ZNRF3: variants seen among roughly 807,000 people sequenced by gnomAD.
ZNRF3 encodes the protein E3 ubiquitin-protein ligase ZNRF3.
ZNRF3 carries 23 observed loss-of-function variants against 72.5 expected under a neutral mutation model. The observed-to-expected ratio is 0.32, with a 90% confidence interval of 0.23 to 0.45. The LOEUF (loss-of-function observed/expected upper bound fraction) is 0.45, where lower values mean the gene tolerates loss of function less well. Ranked by LOEUF, ZNRF3 falls within the 20% of genes least tolerant of loss-of-function variation. The pLI is 1.00. For synonymous variants in ZNRF3, 610 were observed against 545.3 expected, an observed-to-expected ratio of 1.12 and a Z score of -1.65; for missense variants, 1,169 against 1,272.1, an observed-to-expected ratio of 0.92 and a Z score of 1.23.
At chr22:29,005,881 C>T (rs1229804077) in intron 2 of ZNRF3, among the ~76,000 whole-genome samples, 7 of 152,044 alleles carry the variant, frequency 4.6e-5, no homozygotes. Context: ...ACTAACAATA[C>T]AAAATTAGCT....
At chr22:28,932,323 T>G (rs1019644584) in intron 1 of ZNRF3, among the ~76,000 whole-genome samples, 1 of 151,940 alleles carries the variant, frequency 6.6e-6, no homozygotes, top group African/African-American at 2.4e-5. Context: ...AAAAAAAAAA[T>G]CTTAACTTTG....
chr22:29,034,832 G>T (rs2036836827), intron 2 of ZNRF3, among the ~76,000 whole-genome samples: 1 of 152,162 alleles, frequency 6.6e-6, no homozygotes, highest in African/African-American at 2.4e-5. Context: ...GCTTGGTGAG[G>T]ACAGGGGTCT....
chr22:28,928,586 C>T (rs189851192), intron 1 of ZNRF3, among the ~76,000 whole-genome samples: 30 of 150,712 alleles, frequency 2.0e-4, no homozygotes, highest in East Asian at 5.9e-4. Context: ...CTCCACCTCC[C>T]GGGTTTAAGC....
Position 29,042,488 on chromosome 22 carries a change from C to T in ZNRF3, c.427-7C>T. 3.1e-6 allele frequency: 5 copies of T among 1,613,622 alleles called. No individual in the cohort carries two copies. Among genetic ancestry groups the T allele is most frequent in the Non-Finnish European group, 4.2e-6 (5 of 1,179,894 alleles). The stretch of plus-strand genomic sequence containing the variant: ...GGGCCAACCTGCTGTTTTTTTAACT[C>T]TGGCAGGCCAAGCGAGCAGTACAGC... On this transcript the variant is annotated splice_region_variant and splice_polypyrimidine_tract_variant and intron_variant, in intron 2 of 8. Coordinates refer to ENST00000544604, the MANE Select transcript of ZNRF3 (RefSeq NM_001206998.2).
chr22:28,949,530 T>C (rs887609692), intron 1 of ZNRF3, among the ~76,000 whole-genome samples: 12 of 152,346 alleles, frequency 7.9e-5, no homozygotes, highest in Admixed American at 3.3e-4. Context: ...TCTTTCCACC[T>C]TGACCCCACA....
At chr22:29,031,773 G>C (rs978098715) in intron 2 of ZNRF3, 2 of 258,302 alleles carry the variant, frequency 7.7e-6, no homozygotes, top group South Asian at 2.9e-4. Flanking sequence ...GGACCGGCTG[G>C]GTGCTCTCCA....
chr22:29,031,652 T>C (rs1186242925), intron 2 of ZNRF3: 19 of 984,642 alleles, frequency 1.9e-5, no homozygotes, highest in Non-Finnish European at 2.3e-5. Context: ...AAAATCCACT[T>C]AGTGGCCTCC....
intron 1 of ZNRF3, among the ~76,000 whole-genome samples, chr22:28,945,165 G>T (rs1465480018): frequency 6.8e-6 from 1 of 147,342 alleles, no homozygotes; most frequent in African/African-American, 2.5e-5. Context: ...AAAAAAAAAA[G>T]TCAAAGATGT....
chr22:28,909,841 C>T (rs2034283641), intron 1 of ZNRF3, among the ~76,000 whole-genome samples: 1 of 150,744 alleles, frequency 6.6e-6, no homozygotes, highest in South Asian at 2.1e-4. Context: ...GATCCATTCA[C>T]CTCGGCCTTC....
chr22:29,028,766 G>A (rs1009143917), intron 2 of ZNRF3, among the ~76,000 whole-genome samples: 14 of 152,268 alleles, frequency 9.2e-5, no homozygotes, highest in Admixed American at 3.9e-4. Flanking sequence ...GAAAGCACTC[G>A]GTGCCTTGCC....
In ZNRF3 at chr22:29,049,734, CCTCCCA is replaced by C. The variant is rs752926573; in HGVS notation, c.1555_1560del (p.Ser519_His520del). ...CCCACCGTGGTGCACGTGGCCCCGC[CCTCCCA>C]CCTGGAGAGCGGCAGCACGTCCAGC... On this transcript the variant is annotated inframe_deletion, in exon 8 of 9. Transcript: ENST00000544604. The surrounding 1 kb of genome is among the most constrained non-coding windows in gnomAD (Gnocchi z 5.2). The C allele has an allele frequency of 7.5e-6, 12 of 1,598,084 alleles. No homozygotes were observed. The highest frequency in any genetic ancestry group is 1.7e-4 in the Middle Eastern group (1 of 6,032).
chr22:28,885,931 A>C (rs79918885), intron 1 of ZNRF3, among the ~76,000 whole-genome samples: 2 of 60,524 alleles, frequency 3.3e-5, no homozygotes, highest in Non-Finnish European at 6.3e-5. Context: ...TAGCCTAGCC[A>C]AAAAAAAAAA....
chr22:28,884,122 G>C, intron 1 of ZNRF3, 56 bp downstream of exon 1: 1 of 1,062,604 alleles, frequency 9.4e-7, no homozygotes, highest in Non-Finnish European at 1.1e-6. Context: ...GGCTCCGGGG[G>C]CTGCGCCCGC....
chr22:28,936,421 C>T (rs2034820996), intron 1 of ZNRF3, among the ~76,000 whole-genome samples: 1 of 152,158 alleles, frequency 6.6e-6, no homozygotes, highest in Admixed American at 6.5e-5. Flanking sequence ...GTGTCCCTTG[C>T]CCTGGAGTAC....
At chr22:29,026,772 CA>C (rs2036644447) in intron 2 of ZNRF3, 1 of 152,214 alleles carries the variant, frequency 6.6e-6, no homozygotes, top group African/African-American at 2.4e-5. Flanking sequence ...GGTGCCATGC[CA>C]AGACCTGGTG....
chr22:28,900,696 AACTT>A (rs1357905764), intron 1 of ZNRF3, among the ~76,000 whole-genome samples: 3 of 152,190 alleles, frequency 2.0e-5, no homozygotes, highest in Admixed American at 2.0e-4. Context: ...TTTGAAAAGA[AACTT>A]ACTGTTTCAG....
intron 2 of ZNRF3, among the ~76,000 whole-genome samples, chr22:28,999,889 C>T (rs542533683): frequency 3.3e-4 from 50 of 152,274 alleles, no homozygotes; most frequent in Non-Finnish European, 6.0e-4. Context: ...GGAAAGGGGA[C>T]GGCAGAGAAA....
At chr22:28,891,491 T>C (rs1020467024) in intron 1 of ZNRF3, among the ~76,000 whole-genome samples, 1 of 152,244 alleles carries the variant, frequency 6.6e-6, no homozygotes, top group Admixed American at 6.5e-5. Flanking sequence ...AATGATCAAG[T>C]GCTTATTGTG....
At chr22:28,898,251 A>G (rs748869637) in intron 1 of ZNRF3, among the ~76,000 whole-genome samples, 7 of 152,156 alleles carry the variant, frequency 4.6e-5, no homozygotes, top group Non-Finnish European at 1.0e-4. Context: ...CCCAGCCAAG[A>G]CTTGTTTTTT....
Sources: gnomAD v4.1 joint callset for allele counts (sites outside exome capture counted in the v4.1 genomes callset) on GRCh38, gnomAD v4.1.1 for gene constraint, Gnocchi (gnomAD v3.1) non-coding constraint, MANE v1.5 for transcripts, NCBI Gene and HGNC (gene_info 2026-07-23, HGNC 2026-07-21) for gene names.